The following ALKBH5 variants were observed in gnomAD, a reference collection of about 807,000 sequenced individuals.
ALKBH5 encodes alkB homolog 5, RNA demethylase.
ALKBH5 carries 2 observed loss-of-function variants against 32.1 expected under a neutral mutation model. The ratio of observed to expected loss-of-function variants is 0.06; its 90% CI spans 0.03 to 0.20. The LOEUF (loss-of-function observed/expected upper bound fraction) is 0.20. ALKBH5 is among the 10% of genes least tolerant of loss of function. The pLI, the probability that ALKBH5 is intolerant of heterozygous loss-of-function variation, is 1.00. For synonymous variants in ALKBH5, 300 were observed against 231.7 expected, an observed-to-expected ratio of 1.29 and a Z score of -2.68; for missense variants, 352 against 559.5, an observed-to-expected ratio of 0.63 and a Z score of 3.74.
At chr17:18,196,850 G>T (rs1251430367) in intron 2 of ALKBH5, among the ~76,000 whole-genome samples, 1 of 152,000 alleles carries the variant, frequency 6.6e-6, no homozygotes. Context: ...TTCTGCAGGG[G>T]GGATTGGTCT....
chr17:18,189,970 C>T (rs1199502523), intron 1 of ALKBH5, among the ~76,000 whole-genome samples: 1 of 152,206 alleles, frequency 6.6e-6, no homozygotes, highest in Admixed American at 6.5e-5. Flanking sequence ...ATAATTGAGC[C>T]TGAGCTCACA....
At chr17:18,192,688 G>T (rs1404390637) in intron 1 of ALKBH5, among the ~76,000 whole-genome samples, 1 of 152,144 alleles carries the variant, frequency 6.6e-6, no homozygotes, top group Admixed American at 6.6e-5. Flanking sequence ...GGGCTGATGG[G>T]TATTAATAGG....
At chr17:18,200,931 T>C (rs956608777) in intron 2 of ALKBH5, among the ~76,000 whole-genome samples, 2 of 152,150 alleles carry the variant, frequency 1.3e-5, no homozygotes, top group African/African-American at 4.8e-5. Flanking sequence ...CGTGGAGGCA[T>C]GTGAGCAGTG....
At chr17:18,191,691 C>T (rs1057040900) in intron 1 of ALKBH5, among the ~76,000 whole-genome samples, 7 of 152,104 alleles carry the variant, frequency 4.6e-5, no homozygotes, top group Admixed American at 6.6e-5. Flanking sequence ...CCTCTGGGGC[C>T]GAGCATGGTG....
At chr17:18,201,243 C>G (rs2047234833) in intron 2 of ALKBH5, among the ~76,000 whole-genome samples, 1 of 152,200 alleles carries the variant, frequency 6.6e-6, no homozygotes, top group Non-Finnish European at 1.5e-5. Flanking sequence ...TTCCCTGGTT[C>G]AGTAAGTCTG....
At chr17:18,187,005 A>G (rs1042215320) in intron 1 of ALKBH5, among the ~76,000 whole-genome samples, 2 of 151,998 alleles carry the variant, frequency 1.3e-5, no homozygotes, top group Non-Finnish European at 2.9e-5. Context: ...TTCATATACA[A>G]CCACTCAGTG....
At chr17:18,203,247 A>T (rs1042760257) in intron 2 of ALKBH5, among the ~76,000 whole-genome samples, 2 of 152,058 alleles carry the variant, frequency 1.3e-5, no homozygotes, top group African/African-American at 4.8e-5. Context: ...GCCATCACAG[A>T]GTAGTAGGTA....
chr17:18,205,315 G>A (rs752539851), intron 2 of ALKBH5, among the ~76,000 whole-genome samples: 5 of 152,162 alleles, frequency 3.3e-5, no homozygotes, highest in Non-Finnish European at 7.3e-5. Flanking sequence ...TTGATGTTAG[G>A]TTCTGCATCC....
chr17:18,187,180 A>C (rs886316092), intron 1 of ALKBH5, among the ~76,000 whole-genome samples: 1 of 152,022 alleles, frequency 6.6e-6, no homozygotes, highest in Non-Finnish European at 1.5e-5. Context: ...CATCTTTTCC[A>C]CTTTGGAGTG....
chr17:18,196,796 C>G (rs1448857966), intron 2 of ALKBH5, among the ~76,000 whole-genome samples: 1 of 152,172 alleles, frequency 6.6e-6, no homozygotes, highest in Non-Finnish European at 1.5e-5. Context: ...GGAGTTAGCA[C>G]CATCTCCTTG....
chr17:18,185,526 G>A (rs954857739), intron 1 of ALKBH5, among the ~76,000 whole-genome samples: 1 of 152,150 alleles, frequency 6.6e-6, no homozygotes, highest in Non-Finnish European at 1.5e-5. Flanking sequence ...TTCCCAGGAG[G>A]GGGAGTGACT....
At chr17:18,188,934 G>A (rs866525429) in intron 1 of ALKBH5, among the ~76,000 whole-genome samples, 4 of 152,268 alleles carry the variant, frequency 2.6e-5, no homozygotes, top group Non-Finnish European at 4.4e-5. Flanking sequence ...GGGCATGGTA[G>A]TGTGCACCTC....
rs1165273233 is a variant in ALKBH5, at chr17:18,208,779, T to C, written c.*383T>C. On this transcript the variant is annotated 3_prime_UTR_variant, in exon 4 of 4. Transcript: ENST00000399138. Reference sequence around the variant, plus strand: ...AAAATTATTTTGCTTTCAGTGTAAATCTTCGCAGTGTTCTAAACAAAGTTC... The same window carrying C: ...AAAATTATTTTGCTTTCAGTGTAAACCTTCGCAGTGTTCTAAACAAAGTTC... 2 of 346,192 alleles carry C rather than the reference T, an allele frequency of 5.8e-6. No individual in the cohort carries two copies. The highest frequency in any genetic ancestry group is 4.3e-5 in the African/African-American group (2 of 46,290). 21.4% of individuals were successfully genotyped at this position (346,192 alleles called of 1,614,324 possible).
chr17:18,198,828 G>A (rs1293699052), intron 2 of ALKBH5, among the ~76,000 whole-genome samples: 2 of 152,152 alleles, frequency 1.3e-5, no homozygotes, highest in South Asian at 2.1e-4. Context: ...TGTTTCTTAC[G>A]GGGAGGCTGG....
At chr17:18,198,214 C>A (rs1375396910) in intron 2 of ALKBH5, among the ~76,000 whole-genome samples, 1 of 152,198 alleles carries the variant, frequency 6.6e-6, no homozygotes, top group Non-Finnish European at 1.5e-5. Context: ...CACATGCAGA[C>A]ACATACACAC....
Position 18,188,426 on chromosome 17 carries a change from G to T in ALKBH5, c.770+3413G>T, listed in dbSNP as rs2047152957. Among the ~76,000 whole-genome samples, 3 of 152,246 alleles carry T rather than the reference G, an allele frequency of 2.0e-5. 1 individual carries two copies. The South Asian group carries it at 6.2e-4, about 31-fold the overall frequency. On this transcript the variant is annotated intron_variant, in intron 1 of 3. Coordinates refer to ENST00000399138, the MANE Select transcript of ALKBH5 (RefSeq NM_017758.4). ...CCTGTGACTCTTCCAGTTAACGGTT[G>T]GTATTGGGTGGAGTGGGCACCCCTG...
intron 2 of ALKBH5, among the ~76,000 whole-genome samples, chr17:18,204,405 C>T (rs1244812622): frequency 6.7e-6 from 1 of 148,804 alleles, no homozygotes; most frequent in Non-Finnish European, 1.5e-5. Context: ...GAGCCAAGAT[C>T]GTGCCAGTGC....
At chr17:18,206,141 C>T (rs1179707211) in intron 2 of ALKBH5, among the ~76,000 whole-genome samples, 2 of 152,226 alleles carry the variant, frequency 1.3e-5, no homozygotes, top group East Asian at 1.9e-4. Context: ...TATTTGTGTG[C>T]CTTCCCTTTA....
rs1226605687 is a variant in ALKBH5 at position 18,208,623 on chromosome 17, T to C, written c.*227T>C. 2 of 647,864 alleles carry C rather than the reference T, an allele frequency of 3.1e-6. No homozygotes were observed. Among genetic ancestry groups the C allele is most frequent in the Non-Finnish European group, 5.5e-6 (2 of 362,386 alleles). The allele number at this position is 647,864 out of a possible 1,614,324, so 40.1% of individuals were successfully genotyped here. A position where few individuals can be genotyped will look rare whatever the true frequency, so the allele number is the denominator to read the frequency against. On this transcript the variant is annotated 3_prime_UTR_variant, in exon 4 of 4. Coordinates refer to ENST00000399138, the MANE Select transcript of ALKBH5 (RefSeq NM_017758.4). ...TGGTATTCCTCCTGGATGGAAAGGC[T>C]GTTGGCATCAATAGGGGACAGAGGC...
Sources: allele counts gnomAD v4.1 joint callset (sites outside exome capture counted in the v4.1 genomes callset), GRCh38; gene constraint gnomAD v4.1.1; transcripts MANE v1.5; gene names NCBI Gene and HGNC (gene_info 2026-07-23, HGNC 2026-07-21).